Variants in FNBP1 observed in about 807,000 individuals in gnomAD.
The protein encoded by FNBP1 is formin-binding protein 1.
A neutral mutation model predicts 90.6 loss-of-function variants in FNBP1; 26 were observed. That is an observed-to-expected ratio of 0.29 (90% confidence interval 0.21 to 0.40). The LOEUF (loss-of-function observed/expected upper bound fraction) is 0.40. Among genes scored for constraint, FNBP1 ranks in the 10% least tolerant of loss-of-function variants. The pLI is 1.00. For missense variants in FNBP1, 635 were observed against 768.0 expected (o/e 0.83, Z 2.05); for synonymous variants, 260 against 265.2 (o/e 0.98, Z 0.19).
intron 1 of FNBP1, among the ~76,000 whole-genome samples, chr9:130,007,052 A>G (rs1311520399): frequency 6.6e-6 from 1 of 151,360 alleles, no homozygotes; most frequent in Non-Finnish European, 1.5e-5. Flanking sequence ...TCGGCAACAT[A>G]GCAAGACCCT....
chr9:130,047,176 G>A (rs1011734139), upstream of FNBP1, among the ~76,000 whole-genome samples: 1 of 151,822 alleles, frequency 6.6e-6, no homozygotes, highest in African/African-American at 2.4e-5. Flanking sequence ...GCAAGACCCA[G>A]TCTCTAAAAA....
At chr9:129,952,667 T>A (rs1047518031) in intron 6 of FNBP1, among the ~76,000 whole-genome samples, 1 of 152,198 alleles carries the variant, frequency 6.6e-6, no homozygotes, top group Non-Finnish European at 1.5e-5. Context: ...TTTAGGGGAT[T>A]AAGCTTGACT....
chr9:129,914,755 G>GTGTATATATATATATATA lies in FNBP1; in HGVS notation c.1185+1210_1185+1211insTATATATATATATATACA, dbSNP rs71499203. ...AAAAATTATGTATATACATACATAT[G>GTGTATATATATATATATA]TCTATATATATATATATATATATAT... On this transcript the variant is annotated intron_variant, in intron 11 of 16. Coordinates refer to ENST00000446176, the MANE Select transcript of FNBP1 (RefSeq NM_015033.3). Among the ~76,000 whole-genome samples, 31 of 98,434 alleles carry GTGTATATATATATATATA rather than the reference G, an allele frequency of 3.1e-4. 7 individuals carry two copies. The highest frequency in any genetic ancestry group is 1.5e-3 in the East Asian group (4 of 2,590). 64.6% of individuals were successfully genotyped at this position (98,434 alleles called of 152,430 possible).
intron 1 of FNBP1, among the ~76,000 whole-genome samples, chr9:130,005,046 CAG>C (rs1340058695): frequency 8.5e-6 from 1 of 117,974 alleles, no homozygotes; most frequent in African/African-American, 3.4e-5. Context: ...AGCCTGGTGA[CAG>C]AGCAAGACTG....
upstream of FNBP1, among the ~76,000 whole-genome samples, chr9:130,047,547 A>G (rs2060067381): frequency 6.6e-6 from 1 of 152,208 alleles, no homozygotes; most frequent in Non-Finnish European, 1.5e-5. Context: ...TGGGAGGTGG[A>G]GGTTGTGGTG....
rs2132477486 is a variant in FNBP1 at position 130,042,666 on chromosome 9, C to A, written c.24+286G>T. ...TTAGGGCTCGGCCCGACACACACGGCCCGCTCCGGGGCGCCGGGGACAGGG... is the reference window on the plus strand; with the variant it reads ...TTAGGGCTCGGCCCGACACACACGGACCGCTCCGGGGCGCCGGGGACAGGG... On this transcript the variant is annotated intron_variant, in intron 1 of 16. Transcript: ENST00000446176. The surrounding 1 kb of genome is among the most constrained non-coding windows in gnomAD (Gnocchi z 5.5). Among the ~76,000 whole-genome samples the A allele has an allele frequency of 6.6e-6, 1 of 151,802 alleles. No individual in the cohort carries two copies. Among genetic ancestry groups the A allele is most frequent in the East Asian group, 1.9e-4 (1 of 5,144 alleles).
intron 1 of FNBP1, among the ~76,000 whole-genome samples, chr9:130,021,528 A>C (rs1277845513): frequency 1.3e-5 from 2 of 152,196 alleles, no homozygotes; most frequent in African/African-American, 2.4e-5. Flanking sequence ...TTAATGACTG[A>C]TTTGGTGGAA....
At chr9:130,021,449 C>T (rs1437698783) in intron 1 of FNBP1, among the ~76,000 whole-genome samples, 1 of 152,218 alleles carries the variant, frequency 6.6e-6, no homozygotes, top group Non-Finnish European at 1.5e-5. Flanking sequence ...ACTTCTCCCA[C>T]GTGCCATGAG....
intron 4 of FNBP1, among the ~76,000 whole-genome samples, chr9:129,969,735 C>T (rs867610495): frequency 2.6e-5 from 4 of 151,492 alleles, no homozygotes; most frequent in South Asian, 2.1e-4. Flanking sequence ...CATAGCCAGC[C>T]CTATCCCTAA....
intron 6 of FNBP1, among the ~76,000 whole-genome samples, chr9:129,943,697 TA>T (rs2044704563): frequency 1.3e-5 from 2 of 151,888 alleles, no homozygotes; most frequent in South Asian, 4.2e-4. Context: ...TAATTGCTTT[TA>T]AACTGCTATT....
chr9:129,890,443 TG>T lies in FNBP1; in HGVS notation c.*95del. 1 of 965,884 alleles carries T rather than the reference TG, an allele frequency of 1.0e-6. No homozygotes were observed. Among genetic ancestry groups the T allele is most frequent in the Non-Finnish European group, 1.6e-6 (1 of 618,752 alleles). 59.8% of individuals were successfully genotyped at this position (965,884 alleles called of 1,614,324 possible). A position where few individuals can be genotyped will look rare whatever the true frequency, so the allele number is the denominator to read the frequency against. ...CCGCAGGGATGGGGCTGCGGAGGGG[TG>T]GGCTGTCCACAGGGCAGGGCGCTGG... On this transcript the variant is annotated 3_prime_UTR_variant, in exon 17 of 17. Transcript: ENST00000446176. The surrounding 1 kb of genome is among the most constrained non-coding windows in gnomAD (Gnocchi z 5.8).
chr9:130,027,561 C>T lies in FNBP1; in HGVS notation c.24+15391G>A, dbSNP rs190660287. Among the ~76,000 whole-genome samples the T allele has an allele frequency of 3.3e-4, 50 of 152,226 alleles. No homozygotes were observed. The East Asian group carries it at 7.3e-3, about 22-fold the overall frequency. ...CAGTTACTATTGTTGTATAATAAAT[C>T]ACTCCCAAAACTTGATGGGAAACAA... On this transcript the variant is annotated intron_variant, in intron 1 of 16. Transcript: ENST00000446176.
intron 6 of FNBP1, chr9:129,936,405 G>C (rs1412497929): frequency 6.6e-6 from 1 of 152,232 alleles, no homozygotes; most frequent in East Asian, 1.9e-4. Context: ...CTGACTGGCA[G>C]ATGGGCCTGG....
rs75005921 is a variant in FNBP1 at position 130,028,294 on chromosome 9, A to G, written c.24+14658T>C. ...TAAGAAAGATAAAGAGGAAAGTTAAACGATATCAGGTACAACAGAAATCTC... is the reference window on the plus strand; with the variant it reads ...TAAGAAAGATAAAGAGGAAAGTTAAGCGATATCAGGTACAACAGAAATCTC... On this transcript the variant is annotated intron_variant, in intron 1 of 16. Transcript: ENST00000446176. Among the ~76,000 whole-genome samples, 1,051 of 152,336 alleles carry G rather than the reference A, an allele frequency of 6.9e-3. 15 individuals are homozygous for G. Among genetic ancestry groups the G allele is most frequent in the African/African-American group, 0.024 (1,009 of 41,570 alleles).
At chr9:129,965,624 C>T (rs1334436028) in intron 4 of FNBP1, among the ~76,000 whole-genome samples, 2 of 151,966 alleles carry the variant, frequency 1.3e-5, no homozygotes, top group African/African-American at 4.8e-5. Context: ...AGGGGGATCG[C>T]TTGAGGCCAG....
intron 8 of FNBP1, 75 bp from the exon 9 acceptor site, chr9:129,925,232 T>C: frequency 2.4e-6 from 3 of 1,229,024 alleles, no homozygotes; most frequent in Non-Finnish European, 3.5e-6. Flanking sequence ...ATTGGCCAGG[T>C]GCGGTGGCTC....
At chr9:129,951,023 G>A (rs2046085660) in intron 6 of FNBP1, among the ~76,000 whole-genome samples, 1 of 148,348 alleles carries the variant, frequency 6.7e-6, no homozygotes, top group African/African-American at 2.5e-5. Context: ...CCAGGCTGGA[G>A]TGCAGCCGTG....
intron 1 of FNBP1, among the ~76,000 whole-genome samples, chr9:130,032,572 C>G (rs185578906): frequency 3.3e-4 from 51 of 152,248 alleles, no homozygotes; most frequent in Admixed American, 7.8e-4. Flanking sequence ...CAAACATTTC[C>G]AGAAATTTCC....
At chr9:129,914,755 GTCTATA>G (rs1405001939) in intron 11 of FNBP1, among the ~76,000 whole-genome samples, 8,309 of 98,368 alleles carry the variant, frequency 0.084, 717 homozygotes, top group Middle Eastern at 0.21. Flanking sequence ...ACATACATAT[GTCTATA>G]TATATATATA....
Sources: gnomAD v4.1 joint callset for allele counts (sites outside exome capture counted in the v4.1 genomes callset) on GRCh38, gnomAD v4.1.1 for gene constraint, Gnocchi (gnomAD v3.1) non-coding constraint, MANE v1.5 for transcripts, NCBI Gene and HGNC (gene_info 2026-07-23, HGNC 2026-07-21) for gene names.